The following RAB28 variants were observed in gnomAD, a reference collection of about 807,000 sequenced individuals.
RAB28 encodes the protein ras-related protein Rab-28.
Under a neutral mutation model 31.7 loss-of-function variants are expected in RAB28, and 24 were observed. The observed-to-expected ratio is 0.76, with a 90% CI of 0.55 to 1.06. RAB28 has a LOEUF of 1.06. Ranked by LOEUF, RAB28 falls within the 50% of genes least tolerant of loss-of-function variation. The pLI is 0.00. For missense variants in RAB28, 254 were observed against 258.5 expected (o/e 0.98, Z 0.12); for synonymous variants, 100 against 90.4 (o/e 1.11, Z -0.60).
At chr4:13,405,457 T>A (rs183425029) in intron 4 of RAB28, among the ~76,000 whole-genome samples, 1 of 152,138 alleles carries the variant, frequency 6.6e-6, no homozygotes, top group Non-Finnish European at 1.5e-5. Context: ...GTTCTTTGGA[T>A]AGATAACTGT....
At chr4:13,392,939 A>G (rs1378517874) in intron 4 of RAB28, among the ~76,000 whole-genome samples, 1 of 152,220 alleles carries the variant, frequency 6.6e-6, no homozygotes, top group Non-Finnish European at 1.5e-5. Context: ...GATAAGATGA[A>G]TAAATACACA....
chr4:13,421,929 CA>C (rs1416859967), intron 4 of RAB28, among the ~76,000 whole-genome samples: 8 of 152,198 alleles, frequency 5.3e-5, no homozygotes, highest in African/African-American at 1.9e-4. Flanking sequence ...AGAGCTTCTG[CA>C]CAGCAAAAGA....
intron 4 of RAB28, among the ~76,000 whole-genome samples, chr4:13,456,013 GA>G (rs1458338401): frequency 6.6e-6 from 1 of 152,178 alleles, no homozygotes; most frequent in Non-Finnish European, 1.5e-5. Context: ...GCAAAACAAA[GA>G]AATTTTTTTT....
chr4:13,422,430 T>C (rs1253588238), intron 4 of RAB28, among the ~76,000 whole-genome samples: 3 of 152,316 alleles, frequency 2.0e-5, no homozygotes, highest in Non-Finnish European at 2.9e-5. Context: ...ATCATGCTAC[T>C]ATAAAGACAC....
At position 13,370,696 on chromosome 4, in the gene RAB28, C is replaced by T. The variant is rs1456686; in HGVS notation, c.574-2046G>A. The T allele has an allele frequency of 5.1e-6, 5 of 984,632 alleles. No individual in the cohort carries two copies. In the African/African-American group the frequency reaches 5.2e-5, roughly 10 times the overall value. The allele number at this position is 984,632 out of a possible 1,614,324, so 61.0% of individuals were successfully genotyped here. On this transcript the variant is annotated intron_variant, in intron 6 of 6. Transcript: ENST00000330852. Reference sequence around the variant, plus strand: ...GACTTCCTTATGATGCTCGCTCCCCCATTCCTCCCGATCCTAACCTCCATA... The same window carrying T: ...GACTTCCTTATGATGCTCGCTCCCCTATTCCTCCCGATCCTAACCTCCATA...
At chr4:13,419,049 G>C (rs1030112865) in intron 4 of RAB28, among the ~76,000 whole-genome samples, 1 of 152,154 alleles carries the variant, frequency 6.6e-6, no homozygotes, top group Non-Finnish European at 1.5e-5. Flanking sequence ...TAAAGGGATA[G>C]AGGAAGATCT....
At chr4:13,441,393 T>G (rs1714408614) in intron 4 of RAB28, among the ~76,000 whole-genome samples, 1 of 152,226 alleles carries the variant, frequency 6.6e-6, no homozygotes, top group African/African-American at 2.4e-5. Context: ...CAATATTTCT[T>G]ATATTTTCCA....
At chr4:13,427,511 A>T (rs148011906) in intron 4 of RAB28, among the ~76,000 whole-genome samples, 63 of 152,332 alleles carry the variant, frequency 4.1e-4, no homozygotes, top group African/African-American at 1.4e-3. Flanking sequence ...TTGCAAATAG[A>T]GGAAGCCAAG....
intron 4 of RAB28, among the ~76,000 whole-genome samples, chr4:13,419,687 T>C (rs1290065144): frequency 1.3e-5 from 2 of 152,190 alleles, no homozygotes; most frequent in African/African-American, 4.8e-5. Flanking sequence ...GAAATAAAGA[T>C]GTTCTTTGAA....
intron 3 of RAB28, among the ~76,000 whole-genome samples, chr4:13,467,665 C>T (rs993195633): frequency 4.0e-5 from 6 of 151,646 alleles, no homozygotes; most frequent in Admixed American, 3.9e-4. Flanking sequence ...GACTGATATG[C>T]TAAAACAGGA....
At chr4:13,447,724 T>C (rs1171013604) in intron 4 of RAB28, among the ~76,000 whole-genome samples, 1 of 152,160 alleles carries the variant, frequency 6.6e-6, no homozygotes, top group Non-Finnish European at 1.5e-5. Context: ...TTATTATTAA[T>C]AGCTATATTT....
In RAB28 at chr4:13,368,243, T is replaced by C; in HGVS notation, c.*315A>G. The stretch of plus-strand genomic sequence containing the variant: ...GACTTGGAGAGTTTTCATATTAAGT[T>C]AAAAAAATTTACATCAATGAAAAAA... On this transcript the variant is annotated 3_prime_UTR_variant, in exon 7 of 7. Transcript: ENST00000330852. The C allele has an allele frequency of 9.8e-7, 1 of 1,015,262 alleles. No homozygotes were observed. The highest frequency in any genetic ancestry group is 1.7e-5 in the African/African-American group (1 of 58,564). 62.9% of individuals were successfully genotyped at this position (1,015,262 alleles called of 1,614,324 possible).
intron 1 of RAB28, among the ~76,000 whole-genome samples, chr4:13,480,364 A>T (rs1716553087): frequency 6.6e-6 from 1 of 151,890 alleles, no homozygotes; most frequent in African/African-American, 2.4e-5. Flanking sequence ...TTTATTTATA[A>T]ACTTCCTCCA....
At chr4:13,448,866 C>T (rs1292025653) in intron 4 of RAB28, among the ~76,000 whole-genome samples, 1 of 151,828 alleles carries the variant, frequency 6.6e-6, no homozygotes. Context: ...AATGATCACA[C>T]TTCTATTTGA....
intron 4 of RAB28, among the ~76,000 whole-genome samples, chr4:13,392,650 T>C (rs565156306): frequency 5.9e-5 from 9 of 152,312 alleles, no homozygotes; most frequent in Non-Finnish European, 1.0e-4. Context: ...TAAGGTATTG[T>C]ATTCTTGGAA....
At chr4:13,481,606 C>T (rs1283857652) in intron 1 of RAB28, among the ~76,000 whole-genome samples, 1 of 151,240 alleles carries the variant, frequency 6.6e-6, no homozygotes, top group Non-Finnish European at 1.5e-5. Context: ...TTTACAAACA[C>T]TGAAAAGACA....
intron 4 of RAB28, among the ~76,000 whole-genome samples, chr4:13,382,733 CT>C (rs1729187314): frequency 7.9e-6 from 1 of 126,332 alleles, no homozygotes; most frequent in Non-Finnish European, 1.6e-5. Flanking sequence ...GAGTCTTGCA[CT>C]GTCACCCGGG....
rs1021747668 is a variant in RAB28 at position 13,468,715 on chromosome 4, G to A, written c.261+5603C>T. On this transcript the variant is annotated intron_variant, in intron 3 of 6. Transcript: ENST00000330852. ...AGTAGAAGAAAGTAATTAAAAATTA[G>A]GGAAGAAATCACTGAAATTAAAGAA... Among the ~76,000 whole-genome samples the A allele has an allele frequency of 1.0e-4, 15 of 150,646 alleles. No individual in the cohort carries two copies. The East Asian group carries it at 2.3e-3, about 24-fold the overall frequency.
chr4:13,397,482 T>C (rs924000367), intron 4 of RAB28, among the ~76,000 whole-genome samples: 3 of 152,092 alleles, frequency 2.0e-5, no homozygotes, highest in Non-Finnish European at 2.9e-5. Flanking sequence ...GAAGAACATA[T>C]ATAAAAGTTT....
Sources: gnomAD v4.1 joint callset for allele counts (sites outside exome capture counted in the v4.1 genomes callset) on GRCh38, gnomAD v4.1.1 for gene constraint, MANE v1.5 for transcripts, NCBI Gene and HGNC (gene_info 2026-07-23, HGNC 2026-07-21) for gene names.